DNAH7: variants seen among roughly 807,000 people sequenced by gnomAD.
DNAH7 encodes the protein dynein axonemal heavy chain 7.
DNAH7 carries 397 observed loss-of-function variants against 444.6 expected under a neutral mutation model. That is an observed-to-expected ratio of 0.89 (90% CI 0.82 to 0.97). The LOEUF (loss-of-function observed/expected upper bound fraction) is 0.97. Among genes scored for constraint, DNAH7 ranks in the 50% least tolerant of loss-of-function variants. DNAH7 has a pLI of 0.00. For synonymous variants in DNAH7, 1,636 were observed against 1,624.4 expected (o/e 1.01, Z -0.17); for missense variants, 4,902 against 4,800.8 (o/e 1.02, Z -0.62).
At chr2:195,905,563 A>T (rs182612011) in intron 27 of DNAH7, 2 of 152,266 alleles carry the variant, frequency 1.3e-5, no homozygotes, top group East Asian at 3.9e-4. Context: ...GTAATATAGG[A>T]TCTAGTCAGG....
chr2:195,778,030 T>A, intron 58 of DNAH7, 45 bp from the exon 59 acceptor site: 2 of 1,469,488 alleles, frequency 1.4e-6, no homozygotes, highest in Non-Finnish European at 1.8e-6. Flanking sequence ...TAGCATGTTA[T>A]ACAGAATCGT....
chr2:195,742,393 C>T (rs554097388), intron 63 of DNAH7, among the ~76,000 whole-genome samples: 2 of 152,160 alleles, frequency 1.3e-5, no homozygotes, highest in African/African-American at 4.8e-5. Flanking sequence ...TGCCTCTAAC[C>T]AATCAGATTA....
intron 15 of DNAH7, among the ~76,000 whole-genome samples, chr2:195,981,345 A>C (rs1692558531): frequency 6.6e-6 from 1 of 152,180 alleles, no homozygotes; most frequent in South Asian, 2.1e-4. Flanking sequence ...AAGACACCAA[A>C]AAAAGGAAAG....
At position 195,817,056 on chromosome 2, in the gene DNAH7, C is replaced by T. The variant is rs568962589; in HGVS notation, c.9426-93G>A. On this transcript the variant is annotated intron_variant, in intron 50 of 64. Transcript: ENST00000312428. The stretch of plus-strand genomic sequence containing the variant: ...TTTATAAGAAACAAAGAACTTGTAA[C>T]CTAAAGAAATGCATCACTTTGTGAC... 262 of 925,154 alleles carry T rather than the reference C, an allele frequency of 2.8e-4. 2 individuals are homozygous for T. The highest frequency in any genetic ancestry group is 6.8e-4 in the Middle Eastern group (2 of 2,924). 57.3% of individuals were successfully genotyped at this position (925,154 alleles called of 1,614,324 possible).
chr2:196,051,622 C>T (rs1697475271), intron 2 of DNAH7, among the ~76,000 whole-genome samples: 1 of 151,946 alleles, frequency 6.6e-6, no homozygotes, highest in African/African-American at 2.4e-5. Context: ...AAAAAATTAG[C>T]CGGGCGTGGT....
intron 54 of DNAH7, among the ~76,000 whole-genome samples, chr2:195,804,939 T>C (rs1298983495): frequency 6.6e-6 from 1 of 152,052 alleles, no homozygotes; most frequent in Non-Finnish European, 1.5e-5. Context: ...GCAAAGTAGC[T>C]GAAAGAAGTA....
intron 3 of DNAH7, 85 bp from the exon 4 acceptor site, chr2:196,048,489 A>G (rs1697270348): frequency 4.5e-6 from 5 of 1,099,116 alleles, no homozygotes; most frequent in South Asian, 1.4e-5. Flanking sequence ...TTATAAACAC[A>G]GACATTTTCT....
intron 18 of DNAH7, among the ~76,000 whole-genome samples, chr2:195,959,125 A>G (rs1046767862): frequency 1.3e-5 from 2 of 152,200 alleles, no homozygotes; most frequent in Non-Finnish European, 2.9e-5. Context: ...GCATAGTCTT[A>G]CGTATATTAA....
At position 195,737,890 on chromosome 2, in the gene DNAH7, G is replaced by GAAATAAAT. The variant is rs147974774; in HGVS notation, c.*30_*31insATTTATTT. 1 of 1,601,760 alleles carries GAAATAAAT rather than the reference G, an allele frequency of 6.2e-7. No individual in the cohort carries two copies. On this transcript the variant is annotated 3_prime_UTR_variant, in exon 65 of 65. Coordinates refer to ENST00000312428, the MANE Select transcript of DNAH7 (RefSeq NM_018897.3). ...CTTTCTCTACTCAGCCAGCCAACAA[G>GAAATAAAT]AAATAGGAACAAGGAAATGATGTCT...
At chr2:195,893,071 G>T (rs1156371089) in intron 30 of DNAH7, 1 of 149,956 alleles carries the variant, frequency 6.7e-6, no homozygotes, top group African/African-American at 2.5e-5. Context: ...CTCCTGAGTA[G>T]CTGGGACTAC....
At chr2:195,786,910 TA>T in intron 58 of DNAH7, 99 bp downstream of exon 58, 1 of 1,251,112 alleles carries the variant, frequency 8.0e-7, no homozygotes, top group Non-Finnish European at 1.1e-6. Context: ...ATTCATTTCA[TA>T]AGAGTAGAAA....
chr2:195,738,111 C>CA lies in DNAH7; in HGVS notation c.11884dup (p.Cys3962LeufsTer2), dbSNP rs2105864636. 6.2e-7 allele frequency: 1 copy of CA among 1,613,776 alleles called. No homozygotes were observed. The highest frequency in any genetic ancestry group is 8.5e-7 in the Non-Finnish European group (1 of 1,179,720). ...CCGTTTTGGTATATCTGCCCTCTTACAGGGCTTTAGCCACATCTGGAAGAA... is the reference window on the plus strand; with the variant it reads ...CCGTTTTGGTATATCTGCCCTCTTACAAGGGCTTTAGCCACATCTGGAAGAA... On this transcript the variant is annotated frameshift_variant, in exon 65 of 65. Transcript: ENST00000312428. LOFTEE classifies it low-confidence loss of function (END_TRUNC).
intron 19 of DNAH7, among the ~76,000 whole-genome samples, chr2:195,955,347 T>G (rs1011193612): frequency 4.6e-5 from 7 of 152,216 alleles, no homozygotes; most frequent in Non-Finnish European, 8.8e-5. Context: ...ACGTGTGGTA[T>G]TATTTCTGAG....
At chr2:195,755,028 C>A (rs1342477567) in intron 62 of DNAH7, among the ~76,000 whole-genome samples, 2 of 152,198 alleles carry the variant, frequency 1.3e-5, no homozygotes, top group Non-Finnish European at 2.9e-5. Flanking sequence ...AAACAAATGT[C>A]TGTTTTATAC....
intron 12 of DNAH7, 43 bp from the exon 13 acceptor site, chr2:195,988,272 A>T: frequency 2.1e-6 from 3 of 1,454,812 alleles, no homozygotes; most frequent in Non-Finnish European, 2.8e-6. Context: ...AATATCTTAA[A>T]GTAACTATAT....
intron 48 of DNAH7, among the ~76,000 whole-genome samples, chr2:195,830,265 T>C (rs1449301314): frequency 6.6e-6 from 1 of 152,180 alleles, no homozygotes; most frequent in Non-Finnish European, 1.5e-5. Context: ...CAGCCACTAA[T>C]ACTTTTGAGT....
intron 27 of DNAH7, among the ~76,000 whole-genome samples, chr2:195,906,052 A>C (rs758355321): frequency 2.0e-5 from 3 of 152,142 alleles, no homozygotes; most frequent in Non-Finnish European, 2.9e-5. Context: ...TTATGCTTAT[A>C]AAGATGGGAA....
In DNAH7 at chr2:195,972,235, T is replaced by A. The variant is rs1483682353; in HGVS notation, c.2058+7A>T. 2 of 1,602,012 alleles carry A rather than the reference T, an allele frequency of 1.2e-6. No individual in the cohort carries two copies. The highest frequency in any genetic ancestry group is 1.7e-6 in the Non-Finnish European group (2 of 1,171,320). On this transcript the variant is annotated splice_region_variant and intron_variant, in intron 16 of 64. Coordinates refer to ENST00000312428, the MANE Select transcript of DNAH7 (RefSeq NM_018897.3). ...GAAAATGAAAATAAAATATCTAAGA[T>A]GCCAACCTTCAGACCTTCTTGATAT... is the stretch of plus-strand genomic sequence containing the variant.
At chr2:195,877,589 C>G (rs1701133743) in intron 36 of DNAH7, among the ~76,000 whole-genome samples, 1 of 152,162 alleles carries the variant, frequency 6.6e-6, no homozygotes, top group East Asian at 1.9e-4. Context: ...ATTCTGAAAG[C>G]ATACTTTGGA....
Sources: gnomAD v4.1 joint callset for allele counts (sites outside exome capture counted in the v4.1 genomes callset) on GRCh38, gnomAD v4.1.1 for gene constraint, MANE v1.5 for transcripts, NCBI Gene and HGNC (gene_info 2026-07-23, HGNC 2026-07-21) for gene names.